Variants in TTC7A observed in about 807,000 individuals in gnomAD.
TTC7A encodes the protein tetratricopeptide repeat protein 7A.
In TTC7A, 110 loss-of-function variants were observed where a neutral mutation model predicts 103.7. The observed-to-expected ratio is 1.06, with a 90% CI of 0.91 to 1.24. The LOEUF (loss-of-function observed/expected upper bound fraction) is 1.24, where lower values mean the gene tolerates loss of function less well. Among genes scored for constraint, TTC7A ranks in the 50% most tolerant of loss-of-function variants. The probability of loss-of-function intolerance (pLI) is 0.00; values close to 1 mark genes in which losing one functional copy is unlikely to be tolerated. For synonymous variants in TTC7A, 521 were observed against 467.9 expected, an observed-to-expected ratio of 1.11 and a Z score of -1.47; for missense variants, 1,340 against 1,116.3, an observed-to-expected ratio of 1.20 and a Z score of -2.86.
At chr2:47,002,536 GAGCATGGGGGTAC>G (rs1676927541) in intron 8 of TTC7A, among the ~76,000 whole-genome samples, 1 of 150,832 alleles carries the variant, frequency 6.6e-6, no homozygotes, top group Admixed American at 6.6e-5. Context: ...GCTACTCCCA[GAGCATGGGGGTAC>G]ACCATGTGGC....
intron 8 of TTC7A, among the ~76,000 whole-genome samples, chr2:47,000,506 C>T (rs553044089): frequency 6.6e-6 from 1 of 152,318 alleles, no homozygotes; most frequent in East Asian, 1.9e-4. Flanking sequence ...GCAGCAGGAG[C>T]TCGGAGGCTG....
chr2:47,043,643 G>A (rs570393545), intron 15 of TTC7A, among the ~76,000 whole-genome samples: 37 of 152,282 alleles, frequency 2.4e-4, no homozygotes, highest in African/African-American at 7.7e-4. Flanking sequence ...CTCTGGCAGC[G>A]CTCACCTGCC....
At chr2:46,954,674 C>T (rs55980474) in intron 2 of TTC7A, among the ~76,000 whole-genome samples, 3,073 of 149,554 alleles carry the variant, frequency 0.021, 54 homozygotes, top group Admixed American at 0.034. Flanking sequence ...CGGGTTCAAG[C>T]GATTCTTCTG....
chr2:46,974,651 T>A lies in TTC7A; in HGVS notation c.518-322T>A. 3 of 471,964 alleles carry A rather than the reference T, an allele frequency of 6.4e-6. 1 individual carries two copies. The highest frequency in any genetic ancestry group is 4.6e-5 in the South Asian group (3 of 64,550). The allele number at this position is 471,964 out of a possible 1,614,324, so 29.2% of individuals were successfully genotyped here. A position where few individuals can be genotyped will look rare whatever the true frequency, so the allele number is the denominator to read the frequency against. ...AGGAAAGAGGAAAGAAAAAAATAAA[T>A]TTTTTTAAAAAACCTCATTCTCTTT... is the stretch of plus-strand genomic sequence containing the variant. On this transcript the variant is annotated intron_variant, in intron 3 of 19. Coordinates refer to ENST00000319190, the MANE Select transcript of TTC7A (RefSeq NM_020458.4).
At chr2:46,954,504 T>C (rs1671675695) in intron 2 of TTC7A, among the ~76,000 whole-genome samples, 1 of 151,204 alleles carries the variant, frequency 6.6e-6, no homozygotes, top group African/African-American at 2.4e-5. Flanking sequence ...CTTACTGTGC[T>C]ATAACAGAAA....
chr2:46,993,317 T>G lies in TTC7A; in HGVS notation c.765-133T>G, dbSNP rs983335827. The G allele has an allele frequency of 4.5e-5, 36 of 802,192 alleles. No individual in the cohort carries two copies. The Admixed American group carries it at 6.5e-4, about 15-fold the overall frequency. 49.7% of individuals were successfully genotyped at this position (802,192 alleles called of 1,614,324 possible). A position where few individuals can be genotyped will look rare whatever the true frequency, so the allele number is the denominator to read the frequency against. Reference sequence around the variant, plus strand: ...GTCCTGGTGTTACAACTCTAACTTTTCACTCCAGTTATCGAATGTGTTCAA... The same window carrying G: ...GTCCTGGTGTTACAACTCTAACTTTGCACTCCAGTTATCGAATGTGTTCAA... On this transcript the variant is annotated intron_variant, in intron 5 of 19. Coordinates refer to ENST00000319190, the MANE Select transcript of TTC7A (RefSeq NM_020458.4).
chr2:47,010,461 G>C (rs1330308047), intron 10 of TTC7A, among the ~76,000 whole-genome samples: 2 of 152,160 alleles, frequency 1.3e-5, no homozygotes, highest in Non-Finnish European at 2.9e-5. Context: ...TCTCATTACT[G>C]TTATTGGTAA....
chr2:47,032,140 G>A (rs953616021), intron 15 of TTC7A, among the ~76,000 whole-genome samples: 3 of 152,246 alleles, frequency 2.0e-5, no homozygotes, highest in Admixed American at 6.5e-5. Flanking sequence ...GTTGGTCAGG[G>A]GCTGCCTTGA....
At chr2:46,934,452 T>C (rs913180828) in intron 2 of TTC7A, among the ~76,000 whole-genome samples, 3 of 152,090 alleles carry the variant, frequency 2.0e-5, no homozygotes, top group South Asian at 2.1e-4. Flanking sequence ...AGAGACAGGG[T>C]TTTGCCATGT....
rs201897539 is a variant in TTC7A, at chr2:47,049,955, A to C, written c.1926A>C (p.Leu642=). 44 of 1,614,034 alleles carry C rather than the reference A, an allele frequency of 2.7e-5. No homozygotes were observed. The African/African-American group carries it at 5.3e-4, about 20-fold the overall frequency. Residue 642 remains leucine, a synonymous_variant, in exon 17 of 20, where the codon CTA becomes CTC. Coordinates refer to ENST00000319190, the MANE Select transcript of TTC7A (RefSeq NM_020458.4). ...GCCCTCTTTTGCCTTCCAGAGGCCT[A>C]GAAAAGGATGGCAGCTTCGGTGAGG... The part of the protein sequence containing the change: ...TLYSFSQLGG[L]EKDGSFGEGL...
intron 19 of TTC7A, among the ~76,000 whole-genome samples, chr2:47,070,062 G>GCC (rs11428444): frequency 1.6e-4 from 25 of 152,282 alleles, no homozygotes; most frequent in East Asian, 3.9e-4. Context: ...CCCAGGGCAG[G>GCC]CCCCCCTCAA....
intron 5 of TTC7A, among the ~76,000 whole-genome samples, chr2:46,992,547 A>G (rs933946760): frequency 1.3e-5 from 2 of 152,176 alleles, no homozygotes. Context: ...GGTGGGAGAA[A>G]GGTGAGGGGC....
intron 2 of TTC7A, among the ~76,000 whole-genome samples, chr2:46,928,978 C>G (rs1181373351): frequency 6.6e-6 from 1 of 152,074 alleles, no homozygotes. Context: ...GCCTGGCCAA[C>G]ATGGCAAAAC....
intron 3 of TTC7A, chr2:46,974,570 TA>T (rs1673666133): frequency 4.6e-6 from 2 of 435,814 alleles, no homozygotes; most frequent in Admixed American, 2.4e-5. Flanking sequence ...GAAGGGAAGG[TA>T]AAGGTTATTG....
At chr2:47,045,746 TAGG>T (rs1682244528) in intron 15 of TTC7A, among the ~76,000 whole-genome samples, 1 of 152,192 alleles carries the variant, frequency 6.6e-6, no homozygotes, top group African/African-American at 2.4e-5. Context: ...CAGTTCCACT[TAGG>T]AGGCGTTGCT....
In TTC7A at chr2:47,074,141, C is replaced by G. The variant is rs960612817; in HGVS notation, c.*218C>G. On this transcript the variant is annotated 3_prime_UTR_variant, in exon 20 of 20. Transcript: ENST00000319190. ...CTTGGGAAACAGTCTGACTTGAACC[C>G]TAAGTGCCTTTGGAGAGTTTTGTGG... 5 of 584,008 alleles carry G rather than the reference C, an allele frequency of 8.6e-6. No homozygotes were observed. Among genetic ancestry groups the G allele is most frequent in the Admixed American group, 3.0e-5 (1 of 32,858 alleles). 36.2% of individuals were successfully genotyped at this position (584,008 alleles called of 1,614,324 possible). A position where few individuals can be genotyped will look rare whatever the true frequency, so the allele number is the denominator to read the frequency against.
intron 2 of TTC7A, among the ~76,000 whole-genome samples, chr2:46,918,874 C>G (rs1668954239): frequency 6.6e-6 from 1 of 152,220 alleles, no homozygotes; most frequent in Non-Finnish European, 1.5e-5. Context: ...AAAGTAACGA[C>G]TAGGTAAGAG....
intron 8 of TTC7A, among the ~76,000 whole-genome samples, chr2:47,004,819 G>A (rs1257639136): frequency 6.6e-6 from 1 of 152,074 alleles, no homozygotes; most frequent in Non-Finnish European, 1.5e-5. Flanking sequence ...CTGCCCTGTG[G>A]CTGCTTGGAG....
At chr2:47,057,653 C>T (rs1204004226) in intron 18 of TTC7A, among the ~76,000 whole-genome samples, 3 of 152,164 alleles carry the variant, frequency 2.0e-5, no homozygotes, top group Non-Finnish European at 4.4e-5. Context: ...ATGGAGGAAG[C>T]AGCCACCCTG....
Sources: gnomAD v4.1 joint callset for allele counts (sites outside exome capture counted in the v4.1 genomes callset) on GRCh38, gnomAD v4.1.1 for gene constraint, MANE v1.5 for transcripts, NCBI Gene and HGNC (gene_info 2026-07-23, HGNC 2026-07-21) for gene names.